The following TMEM132D variants were observed in gnomAD, a reference collection of about 807,000 sequenced individuals.
TMEM132D encodes the protein mature OL transmembrane protein.
Under a neutral mutation model 62.3 loss-of-function variants are expected in TMEM132D, and 21 were observed. The ratio of observed to expected loss-of-function variants is 0.34; its 90% CI spans 0.24 to 0.49. The LOEUF is 0.49. Ranked by LOEUF, TMEM132D falls within the 20% of genes least tolerant of loss-of-function variation. TMEM132D has a pLI of 0.99. For missense variants in TMEM132D, 1,346 were observed against 1,402.8 expected (o/e 0.96, Z 0.65); for synonymous variants, 621 against 575.6 (o/e 1.08, Z -1.13).
chr12:129,872,407 C>T (rs931726916), intron 1 of TMEM132D, among the ~76,000 whole-genome samples: 1 of 152,194 alleles, frequency 6.6e-6, no homozygotes, highest in Admixed American at 6.5e-5. Context: ...TTAAACATCA[C>T]GATCCCCTGC....
chr12:129,551,568 C>A (rs1176965272), intron 2 of TMEM132D, among the ~76,000 whole-genome samples: 1 of 152,192 alleles, frequency 6.6e-6, no homozygotes, highest in Non-Finnish European at 1.5e-5. Flanking sequence ...GAACATAACA[C>A]AATAACACTT....
At chr12:129,266,200 C>T (rs1272831051) in intron 4 of TMEM132D, among the ~76,000 whole-genome samples, 1 of 152,116 alleles carries the variant, frequency 6.6e-6, no homozygotes, top group Non-Finnish European at 1.5e-5. Context: ...TGTCTCCTGC[C>T]TCCTTGAAAT....
At position 129,209,502 on chromosome 12, in the gene TMEM132D, G is replaced by A. The variant is rs773822171; in HGVS notation, c.1443+18C>T. 10 of 1,613,306 alleles carry A rather than the reference G, an allele frequency of 6.2e-6. No individual in the cohort carries two copies. The African/African-American group carries it at 6.7e-5, about 11-fold the overall frequency. On this transcript the variant is annotated intron_variant, in intron 5 of 8. Coordinates refer to ENST00000422113, the MANE Select transcript of TMEM132D (RefSeq NM_133448.3). ...CATGACAGCAGGTTTCTGCAGGGGCGGGGAGGTGTCAACTTGCCTTAATCA... is the reference window on the plus strand; with the variant it reads ...CATGACAGCAGGTTTCTGCAGGGGCAGGGAGGTGTCAACTTGCCTTAATCA...
At chr12:129,214,451 G>A (rs1034702220) in intron 4 of TMEM132D, among the ~76,000 whole-genome samples, 3 of 152,174 alleles carry the variant, frequency 2.0e-5, no homozygotes, top group African/African-American at 7.2e-5. Context: ...TTAAGAGATT[G>A]ATCTCTGTGT....
intron 5 of TMEM132D, among the ~76,000 whole-genome samples, chr12:129,181,348 T>C (rs1402862445): frequency 1.3e-5 from 2 of 152,204 alleles, no homozygotes; most frequent in Non-Finnish European, 2.9e-5. Context: ...ATCTCTACTT[T>C]ATCAACTCTT....
intron 3 of TMEM132D, among the ~76,000 whole-genome samples, chr12:129,383,598 C>T (rs772542397): frequency 6.6e-6 from 1 of 152,076 alleles, no homozygotes; most frequent in Non-Finnish European, 1.5e-5. Context: ...GCCACTACAC[C>T]TGGCTAATTT....
rs1167342027 is a variant in TMEM132D at position 129,337,711 on chromosome 12, C to G, written c.1222G>C (p.Glu408Gln). 1 of 1,614,236 alleles carries G rather than the reference C, an allele frequency of 6.2e-7. No homozygotes were observed. The highest frequency in any genetic ancestry group is 8.5e-7 in the Non-Finnish European group (1 of 1,180,056). The stretch of plus-strand genomic sequence containing the variant: ...GACACTCCCAAGTCAGACGTGATCT[C>G]TCCGGGGTACTCGACCTGCCACGTG... Reference protein sequence around the residue: ...LVTWQVEYPGEITSDLGVSKI... With the variant: ...LVTWQVEYPGQITSDLGVSKI... The change falls in exon 4 of 9, where the codon GAG (glutamate) becomes CAG (glutamine). Residue 408 changes from glutamate to glutamine, a missense_variant. Glu to Gln is a conservative substitution (Grantham distance 29). Coordinates refer to ENST00000422113, the MANE Select transcript of TMEM132D (RefSeq NM_133448.3).
chr12:129,093,748 T>G (rs1233309305), intron 5 of TMEM132D, among the ~76,000 whole-genome samples: 4 of 152,126 alleles, frequency 2.6e-5, no homozygotes, highest in Admixed American at 1.3e-4. Context: ...GCCAAAAGAA[T>G]GAAGCTGGAG....
At chr12:129,560,844 C>T (rs1357547861) in intron 2 of TMEM132D, among the ~76,000 whole-genome samples, 1 of 152,182 alleles carries the variant, frequency 6.6e-6, no homozygotes, top group Non-Finnish European at 1.5e-5. Context: ...ATGAAACTTT[C>T]ATGTTAGTTC....
chr12:129,501,866 A>G (rs1362323036), intron 3 of TMEM132D, among the ~76,000 whole-genome samples: 6 of 152,088 alleles, frequency 3.9e-5, no homozygotes, highest in Admixed American at 1.3e-4. Context: ...CATCATCACT[A>G]TCTTGGGTGT....
At chr12:129,788,634 G>A (rs1390466579) in intron 1 of TMEM132D, among the ~76,000 whole-genome samples, 1 of 152,188 alleles carries the variant, frequency 6.6e-6, no homozygotes, top group Non-Finnish European at 1.5e-5. Context: ...TTCAGGGAGG[G>A]AGAAATGTGA....
At chr12:129,582,477 A>G (rs1220152115) in intron 2 of TMEM132D, among the ~76,000 whole-genome samples, 1 of 152,104 alleles carries the variant, frequency 6.6e-6, no homozygotes, top group Non-Finnish European at 1.5e-5. Flanking sequence ...TTCACTGCTG[A>G]GTATCTCTGA....
intron 1 of TMEM132D, among the ~76,000 whole-genome samples, chr12:129,866,489 T>A (rs938872835): frequency 4.0e-5 from 6 of 151,588 alleles, no homozygotes; most frequent in African/African-American, 1.5e-4. Flanking sequence ...ATATACCTAA[T>A]GTAAATGACG....
chr12:129,872,371 A>C (rs979264828), intron 1 of TMEM132D, among the ~76,000 whole-genome samples: 2 of 152,068 alleles, frequency 1.3e-5, no homozygotes. Context: ...GAACTTCCCA[A>C]TGGAACAACT....
At chr12:129,166,995 C>G (rs940127937) in intron 5 of TMEM132D, among the ~76,000 whole-genome samples, 1 of 151,818 alleles carries the variant, frequency 6.6e-6, no homozygotes, top group Non-Finnish European at 1.5e-5. Flanking sequence ...AAAACCCTGT[C>G]TCTACTGAAA....
chr12:129,708,131 G>C (rs1669451), intron 1 of TMEM132D, among the ~76,000 whole-genome samples: 144,185 of 152,140 alleles, frequency 0.95, 68,792 homozygotes, highest in East Asian at 1. Flanking sequence ...GTGGGAGAAT[G>C]GCTTGAACCC....
chr12:129,771,525 C>T (rs566069722), intron 1 of TMEM132D, among the ~76,000 whole-genome samples: 4 of 152,290 alleles, frequency 2.6e-5, no homozygotes, highest in East Asian at 1.9e-4. Flanking sequence ...TTGCCACTGC[C>T]GGTTGCCTAT....
intron 2 of TMEM132D, among the ~76,000 whole-genome samples, chr12:129,652,800 T>C (rs4759989): frequency 0.24 from 35,808 of 152,086 alleles, 4,556 homozygotes; most frequent in African/African-American, 0.32. Context: ...TGTGGTAGTT[T>C]GTTACAACAG....
At chr12:129,812,342 A>G (rs543833768) in intron 1 of TMEM132D, among the ~76,000 whole-genome samples, 25 of 151,666 alleles carry the variant, frequency 1.6e-4, no homozygotes, top group African/African-American at 5.8e-4. Context: ...CATGTTTGAA[A>G]CCGTTCATTT....
Sources: allele counts gnomAD v4.1 joint callset (sites outside exome capture counted in the v4.1 genomes callset), GRCh38; gene constraint gnomAD v4.1.1; transcripts MANE v1.5; gene names NCBI Gene and HGNC (gene_info 2026-07-23, HGNC 2026-07-21).